FNDC1: variants seen among roughly 807,000 people sequenced by gnomAD.
The protein encoded by FNDC1 is fibronectin type III domain containing 1, also known as fibronectin type III domain-containing protein 1.
Under a neutral mutation model 168.0 loss-of-function variants are expected in FNDC1, and 96 were observed. The observed-to-expected ratio is 0.57, with a 90% CI of 0.48 to 0.68. The LOEUF is 0.68. Ranked by LOEUF, FNDC1 falls within the 30% of genes least tolerant of loss-of-function variation. FNDC1 has a pLI of 0.00. For synonymous variants in FNDC1, 1,099 were observed against 1,025.9 expected, an observed-to-expected ratio of 1.07 and a Z score of -1.36; for missense variants, 2,587 against 2,482.1, an observed-to-expected ratio of 1.04 and a Z score of -0.90.
chr6:159,189,879 A>G (rs1782094509), intron 1 of FNDC1, among the ~76,000 whole-genome samples: 1 of 152,148 alleles, frequency 6.6e-6, no homozygotes. Flanking sequence ...TCATGCTGTT[A>G]TGTCATCTCA....
chr6:159,189,540 G>A (rs1782084175), intron 1 of FNDC1, among the ~76,000 whole-genome samples: 1 of 152,186 alleles, frequency 6.6e-6, no homozygotes, highest in Admixed American at 6.5e-5. Flanking sequence ...ATTTAGGCAA[G>A]CAGGACGCTT....
chr6:159,221,261 G>A (rs1265490354), intron 5 of FNDC1, among the ~76,000 whole-genome samples: 1 of 152,074 alleles, frequency 6.6e-6, no homozygotes, highest in Non-Finnish European at 1.5e-5. Flanking sequence ...GGGTAAACGT[G>A]TTATTCTTTT....
chr6:159,223,242 C>T (rs1003285419), intron 6 of FNDC1, among the ~76,000 whole-genome samples: 2 of 151,518 alleles, frequency 1.3e-5, no homozygotes, highest in African/African-American at 2.4e-5. Flanking sequence ...GTGATCTGCC[C>T]GCCTCGGCCT....
At chr6:159,268,036 T>C in intron 22 of FNDC1, 110 bp downstream of exon 22, 1 of 1,136,422 alleles carries the variant, frequency 8.8e-7, no homozygotes. Context: ...CGAAGATGGA[T>C]GTTGGGAGCA....
chr6:159,224,001 A>G (rs1185521651), intron 7 of FNDC1, among the ~76,000 whole-genome samples: 1 of 152,138 alleles, frequency 6.6e-6, no homozygotes, highest in Middle Eastern at 3.2e-3. Context: ...CACAGGGTCC[A>G]CTTTGGGAGG....
chr6:159,188,461 G>A (rs1056739955), intron 1 of FNDC1, among the ~76,000 whole-genome samples: 3 of 147,050 alleles, frequency 2.0e-5, no homozygotes, highest in African/African-American at 7.4e-5. Flanking sequence ...TGCAAGCTCC[G>A]CCTCCCGGGT....
rs372521682 is a variant in FNDC1, at chr6:159,232,144, G to A, written c.1632G>A (p.Glu544=). The part of the protein sequence containing the change: ...DLQSTEITGE[E]ELGSREDSPM... ...AGTCGACAGAAATCACTGGGGAGGAGGAGCTGGGTTCCCGGGAGGACTCGC... is the reference window on the plus strand; with the variant it reads ...AGTCGACAGAAATCACTGGGGAGGAAGAGCTGGGTTCCCGGGAGGACTCGC... The change falls in exon 11 of 23, where the codon GAG becomes GAA. Residue 544 remains glutamate, a synonymous_variant. Transcript: ENST00000297267. This position sits in a 1 kb window ranked among gnomAD's most constrained non-coding sequence, Gnocchi z 4.9. The A allele has an allele frequency of 1.6e-5, 26 of 1,613,988 alleles. No individual in the cohort carries two copies. The highest frequency in any genetic ancestry group is 2.1e-5 in the Non-Finnish European group (25 of 1,179,898).
chr6:159,249,865 G>A (rs760849177), intron 16 of FNDC1, among the ~76,000 whole-genome samples: 8 of 152,172 alleles, frequency 5.3e-5, no homozygotes, highest in Non-Finnish European at 8.8e-5. Context: ...ACACTTTTCT[G>A]TTTCCAAAAC....
At chr6:159,268,625 A>T (rs414486) in intron 22 of FNDC1, among the ~76,000 whole-genome samples, 96,540 of 151,812 alleles carry the variant, frequency 0.64, 32,163 homozygotes, top group Middle Eastern at 0.75. Context: ...TATCTACTCA[A>T]CTACCTATCT....
intron 18 of FNDC1, among the ~76,000 whole-genome samples, chr6:159,258,943 A>AAT (rs1161399947): frequency 6.6e-6 from 1 of 152,208 alleles, no homozygotes; most frequent in Non-Finnish European, 1.5e-5. Flanking sequence ...CAGGGCATAA[A>AAT]AGTGAGCTTT....
At chr6:159,206,498 G>T (rs1427841212) in intron 4 of FNDC1, among the ~76,000 whole-genome samples, 1 of 152,204 alleles carries the variant, frequency 6.6e-6, no homozygotes, top group Non-Finnish European at 1.5e-5. Context: ...TTTGTTCAGT[G>T]GAAATGCATT....
intron 12 of FNDC1, 52 bp from the exon 13 acceptor site, chr6:159,238,502 G>A (rs1004367759): frequency 1.1e-5 from 14 of 1,284,138 alleles, no homozygotes; most frequent in Non-Finnish European, 1.5e-5. Context: ...TTGGACTAAT[G>A]TGATCATTTC....
Position 159,214,946 on chromosome 6 carries a change from A to C in FNDC1, c.462A>C (p.Glu154Asp). ...CTTTTGTGTCCTGCCCTCTTTAAGA[A>C]AAGGAAGTGCCCAACAAGCCCTTGC... Reference protein sequence around the residue: ...GPGPFNETVTEKEVPNKPLRV... With the variant: ...GPGPFNETVTDKEVPNKPLRV... The change falls in exon 5 of 23, where the codon GAA becomes GAC. Residue 154 changes from glutamate (E) to aspartate (D), a missense_variant and splice_region_variant. Physicochemically the swap from Glu to Asp is conservative, Grantham distance 45. Transcript: ENST00000297267. 6.2e-7 allele frequency: 1 copy of C among 1,613,684 alleles called. No homozygotes were observed.
chr6:159,169,548 C>T lies in FNDC1; in HGVS notation c.-49C>T, dbSNP rs1483887189. 2.8e-5 allele frequency: 17 copies of T among 597,018 alleles called. 1 individual carries two copies. The highest frequency in any genetic ancestry group is 1.1e-4 in the Admixed American group (2 of 17,812). 37.0% of individuals were successfully genotyped at this position (597,018 alleles called of 1,614,324 possible). On this transcript the variant is annotated 5_prime_UTR_variant, in exon 1 of 23. Coordinates refer to ENST00000297267, the MANE Select transcript of FNDC1 (RefSeq NM_032532.3). This position sits in a 1 kb window ranked among gnomAD's most constrained non-coding sequence, Gnocchi z 6.8. ...GGCACTCCCCAGACTCCGGCCAGCG[C>T]CCCCCTGCCAGCCGCAAGCACCCAG... is the stretch of plus-strand genomic sequence containing the variant.
chr6:159,234,025 CCAGCAGTCGGTCT>C lies in FNDC1; in HGVS notation c.3518_3530del (p.Gln1173ProfsTer64). ...CCAAGCGGCCCCTGTCCTCCAAGTC[CCAGCAGTCGGTCT>C]CAGCCGAGGACGACGAGGAGGAGGA... On this transcript the variant is annotated frameshift_variant, in exon 11 of 23. Coordinates refer to ENST00000297267, the MANE Select transcript of FNDC1 (RefSeq NM_032532.3). LOFTEE classifies it high-confidence loss of function. 1.9e-6 allele frequency: 3 copies of C among 1,610,988 alleles called. No individual in the cohort carries two copies. Among genetic ancestry groups the C allele is most frequent in the Non-Finnish European group, 2.5e-6 (3 of 1,179,016 alleles).
At chr6:159,247,074 C>T (rs915254422) in intron 15 of FNDC1, 105 bp downstream of exon 15, 1 of 908,434 alleles carries the variant, frequency 1.1e-6, no homozygotes, top group Non-Finnish European at 1.8e-6. Context: ...TCCTTTAGAG[C>T]TTTGGGCCGG....
At position 159,261,205 on chromosome 6, in the gene FNDC1, G is replaced by T; in HGVS notation, c.5190G>T (p.Val1730=). Residue 1730 remains valine, a synonymous_variant, in exon 19 of 23, where the codon GTG becomes GTT. Transcript: ENST00000297267. ...CCAACTTCAGGTATTATTTTAAAGT[G>T]CAAGCACAAAATCCTCATGGCTACG... ...LKPNTRYYFK[V]QAQNPHGYGP... 1.9e-6 allele frequency: 3 copies of T among 1,612,110 alleles called. No individual in the cohort carries two copies. The highest frequency in any genetic ancestry group is 2.5e-6 in the Non-Finnish European group (3 of 1,178,972).
chr6:159,179,708 G>A (rs1404121811), intron 1 of FNDC1, among the ~76,000 whole-genome samples: 3 of 152,152 alleles, frequency 2.0e-5, no homozygotes, highest in African/African-American at 7.2e-5. Flanking sequence ...TAAGCTCCAC[G>A]AGGGCAGGAC....
chr6:159,224,500 A>T lies in FNDC1; in HGVS notation c.884+855A>T, dbSNP rs372325123. ...CATTATATATATACATATATAAATG[A>T]TTATTCATGTTAGATATATAGTTTC... On this transcript the variant is annotated intron_variant, in intron 7 of 22. Coordinates refer to ENST00000297267, the MANE Select transcript of FNDC1 (RefSeq NM_032532.3). Among the ~76,000 whole-genome samples the T allele has an allele frequency of 1.1e-3, 166 of 152,344 alleles. 1 individual carries two copies. In the Middle Eastern group the frequency reaches 0.02, roughly 19 times the overall value.
Sources: allele counts gnomAD v4.1 joint callset (sites outside exome capture counted in the v4.1 genomes callset), GRCh38; gene constraint gnomAD v4.1.1; non-coding constraint Gnocchi (gnomAD v3.1); transcripts MANE v1.5; gene names NCBI Gene and HGNC (gene_info 2026-07-23, HGNC 2026-07-21).